Variants in CTNNA3 observed in about 807,000 individuals in gnomAD.
CTNNA3 encodes the protein catenin alpha-3.
A neutral mutation model predicts 95.7 loss-of-function variants in CTNNA3; 76 were observed. That is an observed-to-expected ratio of 0.79 (90% CI 0.66 to 0.96). CTNNA3 has a LOEUF of 0.96. Ranked by LOEUF, CTNNA3 falls within the 40% of genes least tolerant of loss-of-function variation. CTNNA3 has a pLI of 0.00. For synonymous variants in CTNNA3, 431 were observed against 374.4 expected (o/e 1.15, Z -1.74); for missense variants, 1,191 against 1,089.8 (o/e 1.09, Z -1.31).
chr10:66,293,401 G>T (rs554593215), intron 12 of CTNNA3, among the ~76,000 whole-genome samples: 1 of 151,316 alleles, frequency 6.6e-6, no homozygotes, highest in Non-Finnish European at 1.5e-5. Flanking sequence ...AAGTAGAGTT[G>T]AGATTGTAAT....
intron 13 of CTNNA3, among the ~76,000 whole-genome samples, chr10:66,126,338 T>A (rs1018106613): frequency 6.6e-6 from 1 of 152,196 alleles, no homozygotes; most frequent in Non-Finnish European, 1.5e-5. Context: ...AGTTTATAGA[T>A]GAACAAGGGA....
chr10:66,549,213 C>T (rs1316132747), intron 10 of CTNNA3, among the ~76,000 whole-genome samples: 1 of 151,790 alleles, frequency 6.6e-6, no homozygotes, highest in East Asian at 1.9e-4. Context: ...CCAGGATGCT[C>T]TCCATCTCCT....
chr10:67,082,729 A>G (rs946049134), intron 7 of CTNNA3, among the ~76,000 whole-genome samples: 10 of 152,292 alleles, frequency 6.6e-5, no homozygotes, highest in Non-Finnish European at 1.5e-4. Context: ...AAAATAAAGT[A>G]CTTCTACATC....
At chr10:66,810,306 C>A (rs1343266226) in intron 7 of CTNNA3, among the ~76,000 whole-genome samples, 2 of 152,074 alleles carry the variant, frequency 1.3e-5, no homozygotes, top group African/African-American at 4.8e-5. Context: ...GTAGTTCTGG[C>A]AAGCACATTA....
chr10:66,483,444 G>C (rs891741109), intron 11 of CTNNA3, among the ~76,000 whole-genome samples: 2 of 151,816 alleles, frequency 1.3e-5, no homozygotes. Context: ...ATAGAATTGA[G>C]GGCAAAATAA....
intron 9 of CTNNA3, among the ~76,000 whole-genome samples, chr10:66,686,986 A>C (rs981024505): frequency 2.1e-4 from 32 of 152,200 alleles, no homozygotes; most frequent in African/African-American, 7.2e-4. Flanking sequence ...TATTAAAATC[A>C]ATAAAAAATT....
At chr10:67,091,498 A>C (rs563564732) in intron 7 of CTNNA3, among the ~76,000 whole-genome samples, 1 of 152,152 alleles carries the variant, frequency 6.6e-6, no homozygotes, top group Admixed American at 6.6e-5. Context: ...CCCCCAAAAA[A>C]AGGAAAACAA....
intron 5 of CTNNA3, among the ~76,000 whole-genome samples, chr10:67,451,940 A>T (rs7904715): frequency 0.011 from 1,663 of 152,134 alleles, 20 homozygotes; most frequent in African/African-American, 0.038. Context: ...TCCCATACAC[A>T]ATGTACAATG....
chr10:66,271,537 A>G (rs1319181003), intron 13 of CTNNA3, among the ~76,000 whole-genome samples: 2 of 152,222 alleles, frequency 1.3e-5, no homozygotes, highest in Admixed American at 1.3e-4. Context: ...TTCACTTAAC[A>G]AAAAGCAAAC....
At chr10:67,124,912 G>A (rs1038200519) in intron 7 of CTNNA3, among the ~76,000 whole-genome samples, 2 of 152,100 alleles carry the variant, frequency 1.3e-5, no homozygotes, top group African/African-American at 4.8e-5. Context: ...GGCTAAAGGG[G>A]CAGTAATAAT....
In CTNNA3 at chr10:67,691,349, G is replaced by A. The variant is rs968233835; in HGVS notation, c.-6+4651C>T. Among the ~76,000 whole-genome samples the A allele has an allele frequency of 2.4e-4, 36 of 152,074 alleles. 1 individual carries two copies. The highest frequency in any genetic ancestry group is 7.5e-4 in the African/African-American group (31 of 41,412). ...AAGTGAGGAGCATCTCCGCCTGGCCGCCCATCATCTGGGATGTGAGGAGCC... is the reference window on the plus strand; with the variant it reads ...AAGTGAGGAGCATCTCCGCCTGGCCACCCATCATCTGGGATGTGAGGAGCC... On this transcript the variant is annotated intron_variant, in intron 1 of 17. Coordinates refer to ENST00000433211, the MANE Select transcript of CTNNA3 (RefSeq NM_013266.4).
At chr10:67,422,382 G>A (rs1263493968) in intron 5 of CTNNA3, among the ~76,000 whole-genome samples, 1 of 152,186 alleles carries the variant, frequency 6.6e-6, no homozygotes, top group Non-Finnish European at 1.5e-5. Context: ...GAGAGAGAAT[G>A]AGAAAGGAAA....
At chr10:66,417,382 G>A (rs976900678) in intron 11 of CTNNA3, among the ~76,000 whole-genome samples, 8 of 151,882 alleles carry the variant, frequency 5.3e-5, no homozygotes, top group African/African-American at 1.9e-4. Context: ...GATTCATAAA[G>A]GAAAGATTAC....
intron 5 of CTNNA3, among the ~76,000 whole-genome samples, chr10:67,368,473 T>C (rs1012100076): frequency 6.6e-6 from 1 of 152,160 alleles, no homozygotes; most frequent in African/African-American, 2.4e-5. Flanking sequence ...AGTGTAAAAA[T>C]ACATCTACCA....
intron 5 of CTNNA3, among the ~76,000 whole-genome samples, chr10:67,238,155 A>G (rs1219273402): frequency 6.6e-6 from 1 of 152,210 alleles, no homozygotes; most frequent in Non-Finnish European, 1.5e-5. Context: ...GTAATATATC[A>G]GCACAAGATC....
chr10:66,140,151 A>G (rs2083542460), intron 13 of CTNNA3, among the ~76,000 whole-genome samples: 1 of 152,242 alleles, frequency 6.6e-6, no homozygotes, highest in Admixed American at 6.5e-5. Context: ...CATAACATGA[A>G]GAGAGCTTAG....
chr10:66,036,276 T>C (rs1316762674), intron 15 of CTNNA3, among the ~76,000 whole-genome samples: 1 of 152,196 alleles, frequency 6.6e-6, no homozygotes, highest in Non-Finnish European at 1.5e-5. Flanking sequence ...AGGCATAAAA[T>C]ATTCTCAAAT....
intron 12 of CTNNA3, among the ~76,000 whole-genome samples, chr10:66,325,641 C>T (rs1309189446): frequency 6.6e-6 from 1 of 152,078 alleles, no homozygotes; most frequent in East Asian, 1.9e-4. Flanking sequence ...GCAAGCAAAT[C>T]TAAAGGCAAA....
chr10:66,257,357 T>C (rs2090828245), intron 13 of CTNNA3, among the ~76,000 whole-genome samples: 1 of 152,208 alleles, frequency 6.6e-6, no homozygotes, highest in South Asian at 2.1e-4. Flanking sequence ...AAGGAGGCTG[T>C]TTTACACTGC....
Sources: gnomAD v4.1 joint callset for allele counts (sites outside exome capture counted in the v4.1 genomes callset) on GRCh38, gnomAD v4.1.1 for gene constraint, MANE v1.5 for transcripts, NCBI Gene and HGNC (gene_info 2026-07-23, HGNC 2026-07-21) for gene names.